The following ARHGAP24 variants were observed in gnomAD, a reference collection of about 807,000 sequenced individuals.
ARHGAP24 encodes the protein rho GTPase-activating protein 24.
ARHGAP24 carries 50 observed loss-of-function variants against 76.4 expected under a neutral mutation model. That is an observed-to-expected ratio of 0.65 (90% CI 0.52 to 0.83). The LOEUF (loss-of-function observed/expected upper bound fraction) is 0.83. Among genes scored for constraint, ARHGAP24 ranks in the 40% least tolerant of loss-of-function variants. The pLI, the probability that ARHGAP24 is intolerant of heterozygous loss-of-function variation, is 0.00. For missense variants in ARHGAP24, 930 were observed against 914.2 expected, an observed-to-expected ratio of 1.02 and a Z score of -0.22; for synonymous variants, 345 against 323.3, an observed-to-expected ratio of 1.07 and a Z score of -0.72.
intron 3 of ARHGAP24, among the ~76,000 whole-genome samples, chr4:85,775,860 A>C (rs1217210275): frequency 6.6e-6 from 1 of 152,134 alleles, no homozygotes; most frequent in African/African-American, 2.4e-5. Flanking sequence ...GGAATGAAGG[A>C]GAGTAATCAT....
chr4:85,624,789 G>T (rs1238702121), intron 2 of ARHGAP24, among the ~76,000 whole-genome samples: 4 of 152,040 alleles, frequency 2.6e-5, no homozygotes, highest in Non-Finnish European at 4.4e-5. Context: ...CCTTCTTCCT[G>T]GTTTAGTCTT....
chr4:85,783,670 C>T (rs1032528045), intron 3 of ARHGAP24, among the ~76,000 whole-genome samples: 5 of 152,040 alleles, frequency 3.3e-5, no homozygotes, highest in African/African-American at 1.2e-4. Flanking sequence ...TCTGAAAATC[C>T]CCAGGGAGTG....
intron 1 of ARHGAP24, among the ~76,000 whole-genome samples, chr4:85,528,541 A>C (rs1725117017): frequency 1.3e-5 from 2 of 152,010 alleles, no homozygotes; most frequent in African/African-American, 4.8e-5. Context: ...TTTTGATGGC[A>C]GTTGCGAGAA....
intron 5 of ARHGAP24, 93 bp downstream of exon 5, chr4:85,942,366 T>C: frequency 1.7e-5 from 23 of 1,390,408 alleles, no homozygotes; most frequent in Non-Finnish European, 2.3e-5. Context: ...CCTTGATTGA[T>C]GTGGTAACAG....
intron 5 of ARHGAP24, among the ~76,000 whole-genome samples, chr4:85,947,349 T>A (rs1032127600): frequency 2.0e-5 from 3 of 152,194 alleles, no homozygotes; most frequent in Non-Finnish European, 4.4e-5. Context: ...AGGTCTCATT[T>A]GTCAATTTTT....
chr4:85,570,598 T>C lies in ARHGAP24; in HGVS notation c.57T>C (p.Asn19=). Residue 19 remains asparagine, a synonymous_variant, in exon 2 of 10, where the codon AAT becomes AAC. Transcript: ENST00000395184. Reference sequence around the variant, plus strand: ...CCCAACAAGGCCAAGGGCGGCAGAATGCCATCAAGTGTGGGTGGCTGAGGA... The same window carrying C: ...CCCAACAAGGCCAAGGGCGGCAGAACGCCATCAAGTGTGGGTGGCTGAGGA... The part of the protein sequence containing the change: ...ENPQQGQGRQ[N]AIKCGWLRKQ... The C allele has an allele frequency of 6.2e-7, 1 of 1,614,144 alleles. No individual in the cohort carries two copies. The highest frequency in any genetic ancestry group is 1.1e-5 in the South Asian group (1 of 91,086).
intron 2 of ARHGAP24, among the ~76,000 whole-genome samples, chr4:85,697,280 A>G (rs1723902380): frequency 6.6e-6 from 1 of 152,190 alleles, no homozygotes; most frequent in Non-Finnish European, 1.5e-5. Context: ...TTAACTATCT[A>G]GTTGTGCACA....
In ARHGAP24 at chr4:85,598,745, TG is replaced by T. The variant is rs1268833546; in HGVS notation, c.180+28025del. Among the ~76,000 whole-genome samples the T allele has an allele frequency of 6.3e-4, 94 of 150,188 alleles. 1 individual carries two copies. The highest frequency in any genetic ancestry group is 7.8e-4 in the Non-Finnish European group (53 of 67,628). On this transcript the variant is annotated intron_variant, in intron 2 of 9. Transcript: ENST00000395184. ...AATTTTTGAAATCACTGTTTTGTTT[TG>T]TTTTTTTTTTTTTACAATATTCCTC...
chr4:85,495,197 A>G (rs114539384), intron 1 of ARHGAP24, among the ~76,000 whole-genome samples: 4,329 of 151,860 alleles, frequency 0.029, 71 homozygotes, highest in Middle Eastern at 0.062. Flanking sequence ...ATGACCGAGT[A>G]TGAACAGTAT....
intron 1 of ARHGAP24, among the ~76,000 whole-genome samples, chr4:85,531,896 T>A (rs1315561762): frequency 6.6e-6 from 1 of 152,062 alleles, no homozygotes; most frequent in Non-Finnish European, 1.5e-5. Context: ...TTCCCATGGG[T>A]CTGTGTTTTA....
chr4:85,762,217 G>A (rs576187041), intron 3 of ARHGAP24, among the ~76,000 whole-genome samples: 4 of 152,232 alleles, frequency 2.6e-5, no homozygotes, highest in South Asian at 4.1e-4. Flanking sequence ...GCTACATTAC[G>A]GAGCAACCAT....
intron 1 of ARHGAP24, among the ~76,000 whole-genome samples, chr4:85,498,736 C>A (rs759630602): frequency 6.6e-6 from 1 of 152,180 alleles, no homozygotes; most frequent in African/African-American, 2.4e-5. Flanking sequence ...CTCGAGTGAG[C>A]CTTCTCTACA....
At chr4:85,984,782 G>A (rs547923298) in intron 8 of ARHGAP24, among the ~76,000 whole-genome samples, 8 of 152,100 alleles carry the variant, frequency 5.3e-5, no homozygotes, top group Non-Finnish European at 8.8e-5. Context: ...AGAGCATGTT[G>A]ACATTGGATT....
chr4:85,972,895 G>C (rs1164344197), intron 6 of ARHGAP24, among the ~76,000 whole-genome samples: 1 of 151,996 alleles, frequency 6.6e-6, no homozygotes, highest in Admixed American at 6.6e-5. Flanking sequence ...GTTTACTCAT[G>C]TTGTGCCACT....
At chr4:85,970,955 G>A (rs977122183) in intron 5 of ARHGAP24, among the ~76,000 whole-genome samples, 1 of 152,082 alleles carries the variant, frequency 6.6e-6, no homozygotes, top group African/African-American at 2.4e-5. Context: ...AGATACAGAA[G>A]ACAAAATATA....
intron 3 of ARHGAP24, among the ~76,000 whole-genome samples, chr4:85,733,725 G>T (rs150300313): frequency 6.6e-6 from 1 of 151,990 alleles, no homozygotes; most frequent in South Asian, 2.1e-4. Flanking sequence ...GTCTTCACAG[G>T]GTCTTCCCTC....
chr4:85,835,500 G>A (rs538046171), intron 3 of ARHGAP24, among the ~76,000 whole-genome samples: 2 of 149,110 alleles, frequency 1.3e-5, no homozygotes, highest in East Asian at 2.0e-4. Context: ...AGCTTGCAGT[G>A]GGCCGAGATC....
intron 3 of ARHGAP24, among the ~76,000 whole-genome samples, chr4:85,846,413 C>T (rs1015360582): frequency 1.3e-5 from 2 of 152,124 alleles, no homozygotes; most frequent in Admixed American, 6.5e-5. Context: ...ATTATTGACA[C>T]TTTTTGTTGA....
At chr4:85,617,426 A>G (rs947242890) in intron 2 of ARHGAP24, among the ~76,000 whole-genome samples, 1 of 151,978 alleles carries the variant, frequency 6.6e-6, no homozygotes, top group African/African-American at 2.4e-5. Context: ...TTCAGTGCAC[A>G]CGCAATCATG....
Sources: gnomAD v4.1 joint callset for allele counts (sites outside exome capture counted in the v4.1 genomes callset) on GRCh38, gnomAD v4.1.1 for gene constraint, MANE v1.5 for transcripts, NCBI Gene and HGNC (gene_info 2026-07-23, HGNC 2026-07-21) for gene names.